DSG4: variants seen among roughly 807,000 people sequenced by gnomAD.
The protein encoded by DSG4 is desmoglein-4.
Under a neutral mutation model 93.1 loss-of-function variants are expected in DSG4, and 87 were observed. The ratio of observed to expected loss-of-function variants is 0.93; its 90% CI spans 0.79 to 1.12. The LOEUF (loss-of-function observed/expected upper bound fraction) is 1.12, where lower values mean the gene tolerates loss of function less well. Ranked by LOEUF, DSG4 falls within the 50% of genes most tolerant of loss-of-function variation. The probability of loss-of-function intolerance (pLI) is 0.00; values close to 1 mark genes in which losing one functional copy is unlikely to be tolerated. For missense variants in DSG4, 1,373 were observed against 1,285.7 expected, an observed-to-expected ratio of 1.07 and a Z score of -1.04; for synonymous variants, 432 against 452.9, an observed-to-expected ratio of 0.95 and a Z score of 0.59.
intron 12 of DSG4, among the ~76,000 whole-genome samples, chr18:31,408,446 T>A (rs1297782506): frequency 6.6e-6 from 1 of 152,246 alleles, no homozygotes; most frequent in African/African-American, 2.4e-5. Flanking sequence ...TAACTTGACC[T>A]TTCACTGTTC....
intron 9 of DSG4, among the ~76,000 whole-genome samples, chr18:31,399,761 G>T (rs576535863): frequency 3.9e-5 from 6 of 152,184 alleles, no homozygotes; most frequent in Admixed American, 6.5e-5. Context: ...AAGTAATTGT[G>T]TCCAGTGAGT....
intron 9 of DSG4, among the ~76,000 whole-genome samples, chr18:31,399,943 A>T (rs1281516487): frequency 6.6e-6 from 1 of 152,180 alleles, no homozygotes; most frequent in African/African-American, 2.4e-5. Context: ...TGACTTAGAG[A>T]CTAATTTCAA....
chr18:31,411,534 CG>C, intron 15 of DSG4, 86 bp downstream of exon 15: 1 of 1,445,568 alleles, frequency 6.9e-7, no homozygotes. Flanking sequence ...TAGGCCTCTT[CG>C]GAAATATGCT....
intron 13 of DSG4, 52 bp from the exon 14 acceptor site, chr18:31,409,693 T>A: frequency 1.2e-6 from 2 of 1,614,040 alleles, no homozygotes; most frequent in Non-Finnish European, 1.7e-6. Context: ...TGTCAGTTTT[T>A]AAATGTTTAA....
At chr18:31,384,433 T>C (rs1479936377) in intron 1 of DSG4, among the ~76,000 whole-genome samples, 1 of 152,140 alleles carries the variant, frequency 6.6e-6, no homozygotes, top group East Asian at 1.9e-4. Context: ...GCTAGGCTGC[T>C]CAATAAAAAC....
rs750946155 is a variant in DSG4 at position 31,409,808 on chromosome 18, G to C, written c.2137G>C (p.Glu713Gln). 1 of 1,614,052 alleles carries C rather than the reference G, an allele frequency of 6.2e-7. No individual in the cohort carries two copies. Among genetic ancestry groups the C allele is most frequent in the Non-Finnish European group, 8.5e-7 (1 of 1,180,014 alleles). The part of the protein sequence containing the change: ...SNTQDRMDSS[E>Q]IYTNTYAAGG... ...TACCCAGGATCGGATGGATTCCTCT[G>C]GTCAGTAGACACCAAAATCTGTTTT... Residue 713 changes from glutamate to glutamine, a missense_variant and splice_region_variant, in exon 14 of 16, where the codon GAA becomes CAA. Coordinates refer to ENST00000308128, the MANE Select transcript of DSG4 (RefSeq NM_177986.5).
chr18:31,410,109 G>A (rs1242987993), intron 14 of DSG4, among the ~76,000 whole-genome samples: 2 of 152,136 alleles, frequency 1.3e-5, no homozygotes, highest in Non-Finnish European at 2.9e-5. Context: ...ATAGGACCAT[G>A]AGTTTGAGTT....
intron 5 of DSG4, among the ~76,000 whole-genome samples, chr18:31,389,879 CAA>C: frequency 1.3e-5 from 2 of 152,234 alleles, no homozygotes; most frequent in Middle Eastern, 3.4e-3. Flanking sequence ...AGAGCCAACA[CAA>C]AGAGAGACTC....
rs146181492 is a variant in DSG4, at chr18:31,383,708, C to A, written c.49-1428C>A. Among the ~76,000 whole-genome samples the A allele has an allele frequency of 4.5e-3, 681 of 152,218 alleles. 4 individuals are homozygous for A. Among genetic ancestry groups the A allele is most frequent in the African/African-American group, 0.016 (647 of 41,532 alleles). Reference sequence around the variant, plus strand: ...AGGTATCAAGCTGGTTCTTCTCTCCCAAATCCCCCTTAAAAAGTCACACCT... The same window carrying A: ...AGGTATCAAGCTGGTTCTTCTCTCCAAAATCCCCCTTAAAAAGTCACACCT... On this transcript the variant is annotated intron_variant, in intron 1 of 15. Coordinates refer to ENST00000308128, the MANE Select transcript of DSG4 (RefSeq NM_177986.5).
At chr18:31,386,651 C>CAGGTG (rs1276101025) in intron 2 of DSG4, 37 bp from the exon 3 acceptor site, 2 of 1,611,346 alleles carry the variant, frequency 1.2e-6, no homozygotes, top group African/African-American at 2.7e-5. Flanking sequence ...TAAAATTGTT[C>CAGGTG]TCACACTGTA....
intron 6 of DSG4, 31 bp downstream of exon 6, chr18:31,390,853 A>C (rs1409921395): frequency 6.2e-7 from 1 of 1,606,002 alleles, no homozygotes; most frequent in East Asian, 2.2e-5. Context: ...ACAAGAACTA[A>C]AAAATTCAAT....
chr18:31,386,633 T>G, intron 2 of DSG4, 55 bp from the exon 3 acceptor site: 1 of 1,607,834 alleles, frequency 6.2e-7, no homozygotes, highest in African/African-American at 1.3e-5. Context: ...ATAAATGTCC[T>G]TTCTAAGTAA....
rs1250157866 is a variant in DSG4, at chr18:31,409,764, C to A, written c.2093C>A (p.Ala698Glu). The A allele has an allele frequency of 1.9e-6, 3 of 1,614,170 alleles. No individual in the cohort carries two copies. Among genetic ancestry groups the A allele is most frequent in the Non-Finnish European group, 2.5e-6 (3 of 1,180,038 alleles). Residue 698 changes from alanine (A) to glutamate (E), a missense_variant, in exon 14 of 16, where the codon GCA (alanine) becomes GAA (glutamate). Coordinates refer to ENST00000308128, the MANE Select transcript of DSG4 (RefSeq NM_177986.5). ...TTTCAGGATGTGTCAAATATATGTG[C>A]ACCCATGACAGCCTCAAATACCCAG... is the stretch of plus-strand genomic sequence containing the variant. ...PEDRDVSNICAPMTASNTQDR... is the reference protein window; with the variant it reads ...PEDRDVSNICEPMTASNTQDR...
chr18:31,400,853 G>C, intron 9 of DSG4, 28 bp from the exon 10 acceptor site: 2 of 1,609,514 alleles, frequency 1.2e-6, no homozygotes, highest in Non-Finnish European at 1.7e-6. Context: ...ATAAAAGCAT[G>C]ATAACGAACT....
intron 8 of DSG4, among the ~76,000 whole-genome samples, chr18:31,396,504 G>A (rs759481628): frequency 6.6e-6 from 1 of 151,556 alleles, no homozygotes; most frequent in Non-Finnish European, 1.5e-5. Flanking sequence ...ACAGGCATGC[G>A]CCACCACACC....
chr18:31,390,256 T>C (rs2072232879), intron 5 of DSG4, among the ~76,000 whole-genome samples: 1 of 152,182 alleles, frequency 6.6e-6, no homozygotes. Flanking sequence ...TAATGTTGCA[T>C]TTAATTAAAC....
chr18:31,387,849 C>T (rs2072204447), intron 3 of DSG4, among the ~76,000 whole-genome samples: 2 of 152,040 alleles, frequency 1.3e-5, no homozygotes, highest in African/African-American at 4.8e-5. Flanking sequence ...GAATATTTGC[C>T]ATAAAATCTA....
chr18:31,403,295 G>T, intron 10 of DSG4, 121 bp from the exon 11 acceptor site: 1 of 848,774 alleles, frequency 1.2e-6, no homozygotes, highest in Non-Finnish European at 1.9e-6. Flanking sequence ...GCAGGAACCT[G>T]TCAAGCCTCC....
Position 31,399,345 on chromosome 18 carries a change from C to T in DSG4, c.1079C>T (p.Ser360Phe), listed in dbSNP as rs998283060. The T allele has an allele frequency of 1.9e-6, 3 of 1,614,052 alleles. No homozygotes were observed. The highest frequency in any genetic ancestry group is 1.7e-4 in the Middle Eastern group (1 of 6,060). ...AAAAACCAAGCTGATTTTCACTACT[C>T]CGTTGCTTCTCAATTCCAAATGCAC... ...GVKNQADFHY[S>F]VASQFQMHPT... Residue 360 changes from serine to phenylalanine, a missense_variant, in exon 9 of 16, where the codon TCC becomes TTC. Ser to Phe is a radical substitution (Grantham distance 155, BLOSUM62 -2). Coordinates refer to ENST00000308128, the MANE Select transcript of DSG4 (RefSeq NM_177986.5).
Sources: allele counts gnomAD v4.1 joint callset (sites outside exome capture counted in the v4.1 genomes callset), GRCh38; gene constraint gnomAD v4.1.1; transcripts MANE v1.5; gene names NCBI Gene and HGNC (gene_info 2026-07-23, HGNC 2026-07-21).